The following PLPPR5 variants were observed in gnomAD, a reference collection of about 807,000 sequenced individuals.
PLPPR5 encodes the protein phospholipid phosphatase-related protein type 5.
In PLPPR5, 16 loss-of-function variants were observed where a neutral mutation model predicts 33.9. That is an observed-to-expected ratio of 0.47 (90% CI 0.32 to 0.72). The LOEUF (loss-of-function observed/expected upper bound fraction) is 0.72, where lower values mean the gene tolerates loss of function less well. PLPPR5 is among the 30% of genes least tolerant of loss of function. PLPPR5 has a pLI of 0.03. For missense variants in PLPPR5, 301 were observed against 406.7 expected, an observed-to-expected ratio of 0.74 and a Z score of 2.23; for synonymous variants, 163 against 150.3, an observed-to-expected ratio of 1.08 and a Z score of -0.62.
chr1:98,945,403 A>T (rs1329464), intron 3 of PLPPR5, among the ~76,000 whole-genome samples: 1 of 152,118 alleles, frequency 6.6e-6, no homozygotes, highest in African/African-American at 2.4e-5. Flanking sequence ...AAATCAACTA[A>T]CAAGTTTCCT....
chr1:98,900,067 C>T (rs1045925504), intron 5 of PLPPR5, among the ~76,000 whole-genome samples: 11 of 152,122 alleles, frequency 7.2e-5, no homozygotes, highest in Admixed American at 2.6e-4. Flanking sequence ...AACTTAACTC[C>T]TGTCTTACCT....
At chr1:98,995,332 G>T (rs1652593690) in intron 1 of PLPPR5, among the ~76,000 whole-genome samples, 1 of 152,018 alleles carries the variant, frequency 6.6e-6, no homozygotes, top group Non-Finnish European at 1.5e-5. Flanking sequence ...TGAGAGGAGG[G>T]TCACGATCAA....
At chr1:98,964,275 CA>C (rs1651356185) in intron 1 of PLPPR5, among the ~76,000 whole-genome samples, 1 of 152,144 alleles carries the variant, frequency 6.6e-6, no homozygotes, top group South Asian at 2.1e-4. Flanking sequence ...AGATGATGAA[CA>C]GTGTTAACTG....
intron 1 of PLPPR5, among the ~76,000 whole-genome samples, chr1:98,994,450 T>C (rs998616730): frequency 2.6e-5 from 4 of 152,130 alleles, no homozygotes; most frequent in Admixed American, 6.6e-5. Flanking sequence ...TGTGGCAATA[T>C]GGCAAATAAA....
At chr1:98,975,399 T>A (rs1651811242) in intron 1 of PLPPR5, among the ~76,000 whole-genome samples, 1 of 152,090 alleles carries the variant, frequency 6.6e-6, no homozygotes, top group Non-Finnish European at 1.5e-5. Flanking sequence ...AATCACGGCA[T>A]GTGATTCATG....
chr1:98,995,179 C>G (rs919568802), intron 1 of PLPPR5, among the ~76,000 whole-genome samples: 1 of 151,986 alleles, frequency 6.6e-6, no homozygotes, highest in Non-Finnish European at 1.5e-5. Flanking sequence ...ATATAAATCA[C>G]TCTATCATAA....
In PLPPR5 at chr1:98,976,092, TAAAAAAAAAAAA is replaced by T. The variant is rs34637022; in HGVS notation, c.238-19363_238-19352del. 6.7e-5 allele frequency among the ~76,000 whole-genome samples: 5 copies of T among 74,692 alleles called. No individual in the cohort carries two copies. In the East Asian group the frequency reaches 2.4e-3, roughly 35 times the overall value. The allele number at this position is 74,692 out of a possible 152,430, so 49.0% of individuals were successfully genotyped here. A position where few individuals can be genotyped will look rare whatever the true frequency, so the allele number is the denominator to read the frequency against. On this transcript the variant is annotated intron_variant, in intron 1 of 5. Coordinates refer to ENST00000263177, the MANE Select transcript of PLPPR5 (RefSeq NM_001037317.2). ...AAGATGAGATCATCCTACTAAAAAG[TAAAAAAAAAAAA>T]AAAAAAAAAAGCCTAAATGATGCCA...
intron 5 of PLPPR5, among the ~76,000 whole-genome samples, chr1:98,896,467 A>G (rs1648476873): frequency 6.6e-6 from 1 of 152,142 alleles, no homozygotes; most frequent in Non-Finnish European, 1.5e-5. Context: ...CAGAATCATG[A>G]GAAGAAACTG....
intron 5 of PLPPR5, among the ~76,000 whole-genome samples, chr1:98,913,560 GT>G (rs2101151028): frequency 6.6e-6 from 1 of 152,294 alleles, no homozygotes; most frequent in South Asian, 2.1e-4. Flanking sequence ...TACACGTGAA[GT>G]TTTTAAAAAA....
At chr1:98,991,765 T>C (rs1477209643) in intron 1 of PLPPR5, among the ~76,000 whole-genome samples, 1 of 152,150 alleles carries the variant, frequency 6.6e-6, no homozygotes, top group Non-Finnish European at 1.5e-5. Context: ...GATTTTTACA[T>C]AGAAACAGCT....
chr1:98,929,763 T>C (rs80007385), intron 3 of PLPPR5, among the ~76,000 whole-genome samples: 3,301 of 152,250 alleles, frequency 0.022, 49 homozygotes, highest in South Asian at 0.032. Context: ...CCTGACCCAA[T>C]AAATATACTG....
intron 1 of PLPPR5, among the ~76,000 whole-genome samples, chr1:98,989,896 A>C (rs2100759577): frequency 6.6e-6 from 1 of 152,304 alleles, no homozygotes; most frequent in African/African-American, 2.4e-5. Flanking sequence ...TGTTTTATAG[A>C]ATGAAGTGTT....
chr1:98,914,005 T>G (rs1363347048), intron 5 of PLPPR5, among the ~76,000 whole-genome samples: 3 of 152,206 alleles, frequency 2.0e-5, no homozygotes, highest in African/African-American at 7.2e-5. Context: ...AGAGCACGAC[T>G]GGTGTTTTCC....
intron 1 of PLPPR5, among the ~76,000 whole-genome samples, chr1:99,002,940 G>C (rs1367369267): frequency 6.7e-6 from 1 of 149,592 alleles, no homozygotes; most frequent in Non-Finnish European, 1.5e-5. Flanking sequence ...AAGTAAAAAG[G>C]GCCCCCAAAA....
intron 1 of PLPPR5, among the ~76,000 whole-genome samples, chr1:98,972,121 A>T (rs1160052803): frequency 6.6e-6 from 1 of 152,102 alleles, no homozygotes; most frequent in Admixed American, 6.6e-5. Context: ...TGTGAGAGGC[A>T]GGGATCCTCA....
chr1:98,969,903 G>C (rs1196800810), intron 1 of PLPPR5, among the ~76,000 whole-genome samples: 1 of 152,016 alleles, frequency 6.6e-6, no homozygotes, highest in Non-Finnish European at 1.5e-5. Flanking sequence ...GATACTCTGA[G>C]TAACACTCTC....
chr1:98,926,470 G>C (rs1649768345), intron 3 of PLPPR5, among the ~76,000 whole-genome samples: 1 of 151,082 alleles, frequency 6.6e-6, no homozygotes, highest in Non-Finnish European at 1.5e-5. Flanking sequence ...GTGTGTGTGT[G>C]TGTGTGTGTG....
chr1:98,943,004 A>T (rs1441735102), intron 3 of PLPPR5, among the ~76,000 whole-genome samples: 2 of 152,246 alleles, frequency 1.3e-5, no homozygotes, highest in African/African-American at 4.8e-5. Context: ...ACCACAAGCC[A>T]GTGGGTCCCA....
intron 1 of PLPPR5, among the ~76,000 whole-genome samples, chr1:98,978,123 A>C (rs574580662): frequency 8.5e-5 from 13 of 152,180 alleles, no homozygotes; most frequent in African/African-American, 2.6e-4. Context: ...GACAATGATT[A>C]CATTTGACAA....
Sources: allele counts gnomAD v4.1 joint callset (sites outside exome capture counted in the v4.1 genomes callset), GRCh38; gene constraint gnomAD v4.1.1; transcripts MANE v1.5; gene names NCBI Gene and HGNC (gene_info 2026-07-23, HGNC 2026-07-21).